RTF1: variants seen among roughly 807,000 people sequenced by gnomAD.
RTF1 encodes RNA polymerase-associated protein RTF1 homolog.
A neutral mutation model predicts 95.7 loss-of-function variants in RTF1; 10 were observed. The observed-to-expected ratio is 0.10, with a 90% CI of 0.06 to 0.18. The LOEUF (loss-of-function observed/expected upper bound fraction) is 0.18. Ranked by LOEUF, RTF1 falls within the 10% of genes least tolerant of loss-of-function variation. The pLI is 1.00. For missense variants in RTF1, 458 were observed against 875.6 expected, an observed-to-expected ratio of 0.52 and a Z score of 6.02; for synonymous variants, 305 against 311.8, an observed-to-expected ratio of 0.98 and a Z score of 0.23.
At chr15:41,432,845 A>T (rs1346880714) in intron 1 of RTF1, among the ~76,000 whole-genome samples, 2 of 152,058 alleles carry the variant, frequency 1.3e-5, no homozygotes, top group Non-Finnish European at 2.9e-5. Context: ...AGGCTGAGGC[A>T]GGAGAATTGC....
intron 2 of RTF1, among the ~76,000 whole-genome samples, chr15:41,447,215 A>G (rs1326569081): frequency 6.6e-6 from 1 of 152,220 alleles, no homozygotes; most frequent in East Asian, 1.9e-4. Flanking sequence ...AGACCTAGGA[A>G]TATGGGTATT....
chr15:41,455,592 G>A (rs559878557), intron 3 of RTF1, among the ~76,000 whole-genome samples: 2 of 151,806 alleles, frequency 1.3e-5, no homozygotes, highest in East Asian at 3.9e-4. Context: ...ATCACTTGAG[G>A]TCAGGAGTTT....
At chr15:41,423,191 T>G (rs1350620777) in intron 1 of RTF1, among the ~76,000 whole-genome samples, 1 of 152,204 alleles carries the variant, frequency 6.6e-6, no homozygotes, top group African/African-American at 2.4e-5. Flanking sequence ...AAGTTGTGCT[T>G]CTTGTTAATG....
At chr15:41,459,544 G>A (rs1166898574) in intron 4 of RTF1, among the ~76,000 whole-genome samples, 3 of 152,170 alleles carry the variant, frequency 2.0e-5, no homozygotes, top group Non-Finnish European at 4.4e-5. Flanking sequence ...CAAATGATAT[G>A]TAAAAATTAA....
chr15:41,455,326 AAG>A (rs2050807643), intron 3 of RTF1, among the ~76,000 whole-genome samples: 2 of 152,034 alleles, frequency 1.3e-5, no homozygotes, highest in South Asian at 4.1e-4. Flanking sequence ...AAAAAAAAAA[AAG>A]AAAATGTGTA....
At chr15:41,436,759 A>G (rs925230630) in intron 1 of RTF1, among the ~76,000 whole-genome samples, 2 of 152,004 alleles carry the variant, frequency 1.3e-5, no homozygotes, top group South Asian at 4.1e-4. Flanking sequence ...GTGCCACTGC[A>G]CTCTAGACTG....
chr15:41,480,736 C>A lies in RTF1; in HGVS notation c.*49C>A. 1 of 1,316,482 alleles carries A rather than the reference C, an allele frequency of 7.6e-7. No homozygotes were observed. The highest frequency in any genetic ancestry group is 1.1e-6 in the Non-Finnish European group (1 of 910,298). The allele number at this position is 1,316,482 out of a possible 1,614,324, so 81.6% of individuals were successfully genotyped here. A position where few individuals can be genotyped will look rare whatever the true frequency, so the allele number is the denominator to read the frequency against. On this transcript the variant is annotated 3_prime_UTR_variant, in exon 18 of 18. Transcript: ENST00000389629. ...ACCCTGCATGCCCCATCGCAGCGTCCCACCTTTCCTCCTTTCCTTTGATTT... is the reference window on the plus strand; with the variant it reads ...ACCCTGCATGCCCCATCGCAGCGTCACACCTTTCCTCCTTTCCTTTGATTT...
intron 2 of RTF1, among the ~76,000 whole-genome samples, chr15:41,448,457 A>T (rs899180748): frequency 5.3e-5 from 8 of 152,170 alleles, no homozygotes; most frequent in Non-Finnish European, 1.2e-4. Flanking sequence ...CCCTGAGGTC[A>T]GGAGTTTGAG....
Position 41,475,519 on chromosome 15 carries a change from A to T in RTF1, c.1287-6A>T, listed in dbSNP as rs2140655871. ...TTCTTGGAGATGCTGTCTCTCTTTTATGTAGGCATGGCAATGACCAACGCG... is the reference window on the plus strand; with the variant it reads ...TTCTTGGAGATGCTGTCTCTCTTTTTTGTAGGCATGGCAATGACCAACGCG... On this transcript the variant is annotated splice_polypyrimidine_tract_variant and splice_region_variant and intron_variant, in intron 9 of 17. Coordinates refer to ENST00000389629, the MANE Select transcript of RTF1 (RefSeq NM_015138.5). The T allele has an allele frequency of 6.2e-7, 1 of 1,612,840 alleles. No homozygotes were observed. The highest frequency in any genetic ancestry group is 1.6e-4 in the Middle Eastern group (1 of 6,062).
In RTF1 at chr15:41,457,927, ATC is replaced by A. The variant is rs763605898; in HGVS notation, c.662+55_662+56del. On this transcript the variant is annotated intron_variant, in intron 4 of 17. Transcript: ENST00000389629. The stretch of plus-strand genomic sequence containing the variant: ...CCCCCCGCCCCCACCTTTTCTGTTC[ATC>A]TCTTTTCTCATACTTCCCTGTCCTT... 305 of 1,385,324 alleles carry A rather than the reference ATC, an allele frequency of 2.2e-4. 2 individuals are homozygous for A. Among genetic ancestry groups the A allele is most frequent in the South Asian group, 2.0e-3 (174 of 85,356 alleles). The allele number at this position is 1,385,324 out of a possible 1,614,324, so 85.8% of individuals were successfully genotyped here. A position where few individuals can be genotyped will look rare whatever the true frequency, so the allele number is the denominator to read the frequency against.
intron 7 of RTF1, among the ~76,000 whole-genome samples, 197 bp downstream of exon 7, chr15:41,470,589 C>G (rs769160393): frequency 6.6e-6 from 1 of 151,498 alleles, no homozygotes; most frequent in South Asian, 2.1e-4. Context: ...TCACCTGGGC[C>G]TGGAAGGTAG....
rs1201073955 is a variant in RTF1, at chr15:41,471,256, A to G, written c.1110A>G (p.Glu370=). The part of the protein sequence containing the change: ...NRVRLSRHKL[E]RWCHMPFFAK... ...TTCGATTATCACGGCATAAGCTAGA[A>G]CGCTGGTGTCACATGCCCTTCTTTG... Residue 370 remains glutamate (E), a synonymous_variant, in exon 8 of 18, where the codon GAA becomes GAG. Transcript: ENST00000389629. 1 of 1,614,126 alleles carries G rather than the reference A, an allele frequency of 6.2e-7. No individual in the cohort carries two copies. The highest frequency in any genetic ancestry group is 1.1e-5 in the South Asian group (1 of 91,054).
chr15:41,457,702 C>A lies in RTF1; in HGVS notation c.488C>A (p.Ser163Tyr), dbSNP rs2050826287. Residue 163 changes from serine (S) to tyrosine (Y), a missense_variant, in exon 4 of 18, where the codon TCC becomes TAC. Transcript: ENST00000389629. ...GTGTCAGACTCTGACAGCAACAGCT[C>A]CTCTTCCAGTTCAGATTCAGACTCT... Reference protein sequence around the residue: ...GEVSDSDSNSSSSSSDSDSSS... With the variant: ...GEVSDSDSNSYSSSSDSDSSS... 3 of 1,613,924 alleles carry A rather than the reference C, an allele frequency of 1.9e-6. No homozygotes were observed. The South Asian group carries it at 3.3e-5, about 18-fold the overall frequency.
intron 8 of RTF1, 138 bp from the exon 9 acceptor site, chr15:41,474,482 C>G: frequency 1.5e-6 from 1 of 680,752 alleles, no homozygotes; most frequent in Admixed American, 2.2e-5. Flanking sequence ...AAACCTTTCT[C>G]AGAACCCCTG....
At chr15:41,453,100 G>GA (rs2050796506) in intron 3 of RTF1, 52 bp downstream of exon 3, 1 of 1,474,984 alleles carries the variant, frequency 6.8e-7, no homozygotes, top group Admixed American at 2.4e-5. Flanking sequence ...TTGTCAGCTT[G>GA]AAGGTGCAAA....
intron 2 of RTF1, among the ~76,000 whole-genome samples, chr15:41,452,451 A>G (rs1408948565): frequency 2.0e-5 from 3 of 151,140 alleles, no homozygotes; most frequent in Non-Finnish European, 2.9e-5. Context: ...ACAAAAATCT[A>G]TGCCAGGTGC....
chr15:41,431,547 A>G (rs1265370699), intron 1 of RTF1, among the ~76,000 whole-genome samples: 1 of 151,620 alleles, frequency 6.6e-6, no homozygotes, highest in Non-Finnish European at 1.5e-5. Flanking sequence ...GTCTTGCTCT[A>G]TTTCCCAGGC....
intron 4 of RTF1, among the ~76,000 whole-genome samples, chr15:41,462,725 T>TC: frequency 6.6e-6 from 1 of 152,244 alleles, no homozygotes; most frequent in African/African-American, 2.4e-5. Flanking sequence ...TTTCTGTCTC[T>TC]CTAGATTTGC....
intron 8 of RTF1, among the ~76,000 whole-genome samples, chr15:41,473,129 GTTTTGTT>G (rs2050922882): frequency 6.6e-6 from 1 of 151,800 alleles, no homozygotes; most frequent in African/African-American, 2.4e-5. Flanking sequence ...TTGGTTTTTT[GTTTTGTT>G]TTGTTTTGTT....
Sources: gnomAD v4.1 joint callset for allele counts (sites outside exome capture counted in the v4.1 genomes callset) on GRCh38, gnomAD v4.1.1 for gene constraint, MANE v1.5 for transcripts, NCBI Gene and HGNC (gene_info 2026-07-23, HGNC 2026-07-21) for gene names.